The following KLHL5 variants were observed in gnomAD, a reference collection of about 807,000 sequenced individuals.
KLHL5 encodes the protein kelch-like protein 5.
A neutral mutation model predicts 77.7 loss-of-function variants in KLHL5; 48 were observed. The observed-to-expected ratio is 0.62, with a 90% confidence interval of 0.49 to 0.79. The LOEUF (loss-of-function observed/expected upper bound fraction) is 0.79. Ranked by LOEUF, KLHL5 falls within the 30% of genes least tolerant of loss-of-function variation. The pLI, the probability that KLHL5 is intolerant of heterozygous loss-of-function variation, is 0.00. For synonymous variants in KLHL5, 260 were observed against 297.0 expected (o/e 0.88, Z 1.28); for missense variants, 723 against 859.7 (o/e 0.84, Z 1.99).
upstream of KLHL5, among the ~76,000 whole-genome samples, chr4:39,059,584 T>C (rs942037401): frequency 2.6e-5 from 4 of 151,570 alleles, no homozygotes; most frequent in Non-Finnish European, 4.4e-5. Flanking sequence ...CCATCTCTAC[T>C]AAAAAAAACA....
chr4:39,086,904 CTTT>C (rs71643263), intron 5 of KLHL5, among the ~76,000 whole-genome samples, 177 bp downstream of exon 5: 7 of 78,352 alleles, frequency 8.9e-5, no homozygotes, highest in African/African-American at 3.1e-4. Context: ...AAGTAACATT[CTTT>C]TTTTTTTTTT....
intron 9 of KLHL5, among the ~76,000 whole-genome samples, chr4:39,114,228 C>A (rs1380214987): frequency 6.6e-6 from 1 of 152,158 alleles, no homozygotes; most frequent in Non-Finnish European, 1.5e-5. Flanking sequence ...TGGGAGGCTG[C>A]ATCTGGCAGG....
chr4:39,089,868 CA>C (rs1720360877), intron 5 of KLHL5, among the ~76,000 whole-genome samples: 1 of 152,178 alleles, frequency 6.6e-6, no homozygotes, highest in Non-Finnish European at 1.5e-5. Flanking sequence ...AACCATTATC[CA>C]CCACAAGTAG....
chr4:39,109,569 G>T (rs1420378262), intron 8 of KLHL5, among the ~76,000 whole-genome samples: 1 of 149,410 alleles, frequency 6.7e-6, no homozygotes, highest in Non-Finnish European at 1.5e-5. Flanking sequence ...TAAGTGCTGG[G>T]ATTACAGGCA....
rs1050420833 is a variant in KLHL5 at position 39,124,254 on chromosome 4, T to G, written c.*3188T>G. Among the ~76,000 whole-genome samples the G allele has an allele frequency of 2.0e-5, 3 of 152,164 alleles. No homozygotes were observed. Among genetic ancestry groups the G allele is most frequent in the Non-Finnish European group, 4.4e-5 (3 of 68,030 alleles). ...TACTCCCAAAATTAGTCTATAGATT[T>G]AATACAATCCCCATTAAAATTCCAG... On this transcript the variant is annotated 3_prime_UTR_variant, in exon 11 of 11. Transcript: ENST00000504108.
intron 8 of KLHL5, among the ~76,000 whole-genome samples, chr4:39,110,374 G>A (rs1031569235): frequency 1.3e-5 from 2 of 152,136 alleles, no homozygotes; most frequent in Non-Finnish European, 2.9e-5. Context: ...GGAATTTCAG[G>A]AAATTCTTCA....
rs565091355 is a variant in KLHL5 at position 39,108,803 on chromosome 4, C to T, written c.1688+1072C>T. Among the ~76,000 whole-genome samples, 10 of 152,174 alleles carry T rather than the reference C, an allele frequency of 6.6e-5. No homozygotes were observed. In the South Asian group the frequency reaches 1.9e-3, roughly 28 times the overall value. Reference sequence around the variant, plus strand: ...CTTGGTTTTGACCCTTTGGTTTAAACCTTTGGGATTGATTCATTGGATTAA... The same window carrying T: ...CTTGGTTTTGACCCTTTGGTTTAAATCTTTGGGATTGATTCATTGGATTAA... On this transcript the variant is annotated intron_variant, in intron 8 of 10. Transcript: ENST00000504108.
At position 39,115,304 on chromosome 4, in the gene KLHL5, G is replaced by T; in HGVS notation, c.2047G>T (p.Asp683Tyr). 1 of 1,614,052 alleles carries T rather than the reference G, an allele frequency of 6.2e-7. No homozygotes were observed. Among genetic ancestry groups the T allele is most frequent in the Middle Eastern group, 1.6e-4 (1 of 6,062 alleles). The change falls in exon 10 of 11, where the codon GAT becomes TAT. Residue 683 changes from aspartate (D) to tyrosine (Y), a missense_variant. Around this residue, in one of 3 missense-constraint regions of KLHL5, gnomAD observed 214 missense variants for 237.4 expected, o/e 0.90. Transcript: ENST00000504108. ...ATACCTTAATACTGTGGAGGCTTAT[G>T]ATCCCCAGACAAATGAGTGGACCCA... is the stretch of plus-strand genomic sequence containing the variant. The part of the protein sequence containing the change: ...QAYLNTVEAY[D>Y]PQTNEWTQVA...
intron 5 of KLHL5, among the ~76,000 whole-genome samples, chr4:39,096,312 T>G (rs2109468503): frequency 6.6e-6 from 1 of 152,252 alleles, no homozygotes; most frequent in Non-Finnish European, 1.5e-5. Context: ...GCATAATTAG[T>G]CAACTCCTAC....
intron 2 of KLHL5, among the ~76,000 whole-genome samples, chr4:39,080,285 G>C (rs1244081830): frequency 6.6e-6 from 1 of 152,070 alleles, no homozygotes; most frequent in Non-Finnish European, 1.5e-5. Context: ...CTAGCTCTTT[G>C]GGAGGCTCAG....
intron 1 of KLHL5, among the ~76,000 whole-genome samples, chr4:39,073,196 GT>G (rs1718656771): frequency 6.6e-6 from 1 of 152,138 alleles, no homozygotes; most frequent in African/African-American, 2.4e-5. Context: ...TGCTCCCTGG[GT>G]TGTCCTGACT....
In KLHL5 at chr4:39,053,928, G is replaced by A. The variant is rs117208441; in HGVS notation, c.-94-8631G>A. Among the ~76,000 whole-genome samples, 76 of 152,324 alleles carry A rather than the reference G, an allele frequency of 5.0e-4. 2 individuals carry two copies. The East Asian group carries it at 0.01, about 20-fold the overall frequency. ...CAATTGGGAGGGAGCTAAGTAGGGA[G>A]AAATCTGTGAGGCACTTGTACTTGG... is the stretch of plus-strand genomic sequence containing the variant. On this transcript the variant is annotated intron_variant, in intron 1 of 11. Coordinates refer to the KLHL5 transcript ENST00000261425.
intron 7 of KLHL5, among the ~76,000 whole-genome samples, chr4:39,104,852 G>C (rs1057292369): frequency 6.6e-6 from 1 of 151,388 alleles, no homozygotes; most frequent in Admixed American, 6.6e-5. Context: ...TGCAACTTCC[G>C]CCTCCCGGGT....
At chr4:39,134,024 G>A in the KLHL5 span, 1 of 152,016 alleles carries the variant, frequency 6.6e-6, no homozygotes, top group Non-Finnish European at 1.5e-5. Context: ...GAAAATGGTA[G>A]CAAATACTAG....
At position 39,124,802 on chromosome 4, in the gene KLHL5, CAAAAAAAAA is replaced by C. The variant is rs71643268; in HGVS notation, c.*3752_*3760del. Among the ~76,000 whole-genome samples, 47 of 44,128 alleles carry C rather than the reference CAAAAAAAAA, an allele frequency of 1.1e-3. 1 individual carries two copies. In the South Asian group the frequency reaches 0.037, roughly 34 times the overall value. 28.9% of individuals were successfully genotyped at this position (44,128 alleles called of 152,430 possible). A position where few individuals can be genotyped will look rare whatever the true frequency, so the allele number is the denominator to read the frequency against. On this transcript the variant is annotated 3_prime_UTR_variant, in exon 11 of 11. Transcript: ENST00000504108. ...GCACCAAAAGCACAAGCAACAACAG[CAAAAAAAAA>C]AAAAAAAAAAAAAAATCAAAATTAA...
downstream of KLHL5, among the ~76,000 whole-genome samples, chr4:39,127,712 G>A (rs1577771836): frequency 6.6e-6 from 1 of 151,974 alleles, no homozygotes; most frequent in South Asian, 2.1e-4. Flanking sequence ...CGATCTTCCC[G>A]CCTCCTCTTC....
At position 39,122,285 on chromosome 4, in the gene KLHL5, G is replaced by A. The variant is rs1170974322; in HGVS notation, c.*1219G>A. On this transcript the variant is annotated 3_prime_UTR_variant, in exon 11 of 11. Coordinates refer to ENST00000504108, the MANE Select transcript of KLHL5 (RefSeq NM_015990.5). ...ACGGAAAATAATATTTGCTAATATT[G>A]TTTATTGTGAACTAGGAATCAAAGT... 6.6e-6 allele frequency: 1 copy of A among 152,144 alleles called. No individual in the cohort carries two copies. 9.4% of individuals were successfully genotyped at this position (152,144 alleles called of 1,614,324 possible). A position where few individuals can be genotyped will look rare whatever the true frequency, so the allele number is the denominator to read the frequency against.
intron 1 of KLHL5, among the ~76,000 whole-genome samples, chr4:39,065,496 G>GACAT (rs1717815405): frequency 6.6e-6 from 1 of 151,708 alleles, no homozygotes; most frequent in Non-Finnish European, 1.5e-5. Context: ...TGGGACTACA[G>GACAT]ACATGTGCCA....
chr4:39,129,731 T>A (rs941718411), downstream of KLHL5, among the ~76,000 whole-genome samples: 1 of 152,240 alleles, frequency 6.6e-6, no homozygotes, highest in African/African-American at 2.4e-5. This position sits in a 1 kb window ranked among gnomAD's most constrained non-coding sequence, Gnocchi z 4.2. Flanking sequence ...TTTTCAAATG[T>A]TATTGTATTT....
Sources: allele counts gnomAD v4.1 joint callset (sites outside exome capture counted in the v4.1 genomes callset), GRCh38; gene constraint gnomAD v4.1.1; regional missense constraint gnomAD v4.1.1; non-coding constraint Gnocchi (gnomAD v3.1); transcripts MANE v1.5; gene names NCBI Gene and HGNC (gene_info 2026-07-23, HGNC 2026-07-21).